Variants in NCK1 observed in about 807,000 individuals in gnomAD.
NCK1 encodes SH2/SH3 adapter protein NCK1.
NCK1 carries 19 observed loss-of-function variants against 36.6 expected under a neutral mutation model. The ratio of observed to expected loss-of-function variants is 0.52; its 90% CI spans 0.36 to 0.76. The LOEUF (loss-of-function observed/expected upper bound fraction) is 0.76. Ranked by LOEUF, NCK1 falls within the 30% of genes least tolerant of loss-of-function variation. NCK1 has a pLI of 0.00. For missense variants in NCK1, 358 were observed against 445.6 expected, an observed-to-expected ratio of 0.80 and a Z score of 1.77; for synonymous variants, 165 against 156.0, an observed-to-expected ratio of 1.06 and a Z score of -0.43.
chr3:136,916,596 G>A (rs912067633), intron 1 of NCK1, among the ~76,000 whole-genome samples: 9 of 152,096 alleles, frequency 5.9e-5, no homozygotes, highest in African/African-American at 1.7e-4. Flanking sequence ...GTAAAGCATG[G>A]GGAAATTATA....
intron 1 of NCK1, among the ~76,000 whole-genome samples, chr3:136,909,382 C>T (rs940225705): frequency 6.6e-6 from 1 of 152,162 alleles, no homozygotes. Context: ...AGCTGAAACT[C>T]ATAATTTGTA....
At chr3:136,910,768 A>G (rs1402373713) in intron 1 of NCK1, among the ~76,000 whole-genome samples, 3 of 152,234 alleles carry the variant, frequency 2.0e-5, no homozygotes, top group East Asian at 3.8e-4. Context: ...CCTTGTTTAC[A>G]TATCATTTTC....
At chr3:136,891,470 C>T (rs1939243407) in intron 1 of NCK1, among the ~76,000 whole-genome samples, 1 of 152,230 alleles carries the variant, frequency 6.6e-6, no homozygotes, top group Admixed American at 6.5e-5. Flanking sequence ...CACTTTTTGG[C>T]TGTTGTGAAT....
In NCK1 at chr3:136,886,787, T is replaced by G. The variant is rs538637560; in HGVS notation, c.-19+24434T>G. ...CTTTAATGAGTTACTTAGGCAGAGT[T>G]TGGAACTGTCCTGTAGTTACATGAT... On this transcript the variant is annotated intron_variant, in intron 1 of 3. Transcript: ENST00000481752. 3.7e-4 allele frequency among the ~76,000 whole-genome samples: 56 copies of G among 151,734 alleles called. No homozygotes were observed. The South Asian group carries it at 5.6e-3, about 15-fold the overall frequency.
intron 2 of NCK1, among the ~76,000 whole-genome samples, chr3:136,935,705 T>C (rs961457722): frequency 2.0e-5 from 3 of 152,162 alleles, no homozygotes; most frequent in African/African-American, 7.2e-5. Flanking sequence ...CTCTTAAAAA[T>C]TTTTTTATGA....
At chr3:136,914,265 A>T (rs1486642344) in intron 1 of NCK1, among the ~76,000 whole-genome samples, 1 of 152,220 alleles carries the variant, frequency 6.6e-6, no homozygotes, top group African/African-American at 2.4e-5. Context: ...TGTGGAACAC[A>T]TGCGTGTCTG....
chr3:136,944,179 C>T (rs916242141), intron 2 of NCK1, among the ~76,000 whole-genome samples: 7 of 129,462 alleles, frequency 5.4e-5, no homozygotes, highest in Admixed American at 1.8e-4. Flanking sequence ...AGTATAGTGA[C>T]GTGATCTTGG....
At chr3:136,871,067 G>T (rs1209260494) in intron 1 of NCK1, among the ~76,000 whole-genome samples, 1 of 151,806 alleles carries the variant, frequency 6.6e-6, no homozygotes, top group Non-Finnish European at 1.5e-5. Flanking sequence ...AATTCCTGTT[G>T]TGGATCCAAC....
At chr3:136,902,183 T>C (rs1225369408) in intron 1 of NCK1, among the ~76,000 whole-genome samples, 2 of 89,132 alleles carry the variant, frequency 2.2e-5, no homozygotes, top group Non-Finnish European at 4.8e-5. Context: ...CTTAACTCTT[T>C]GTTTTTTTTT....
chr3:136,951,569 A>C lies in NCK1; in HGVS notation c.*3116A>C, dbSNP rs1242025062. Among the ~76,000 whole-genome samples the C allele has an allele frequency of 6.6e-6, 1 of 152,198 alleles. No homozygotes were observed. The highest frequency in any genetic ancestry group is 1.5e-5 in the Non-Finnish European group (1 of 68,014). ...ACCAGTGCACATGGTGAAAAAATTC[A>C]AACAGTATAATAAAGTCTTCTTTCA... On this transcript the variant is annotated 3_prime_UTR_variant, in exon 4 of 4. Transcript: ENST00000481752.
chr3:136,869,485 C>T (rs949735721), intron 1 of NCK1, among the ~76,000 whole-genome samples: 7 of 152,026 alleles, frequency 4.6e-5, no homozygotes, highest in Non-Finnish European at 8.8e-5. Flanking sequence ...GCAGGGGTTG[C>T]GGGGTTGTGA....
intron 1 of NCK1, among the ~76,000 whole-genome samples, chr3:136,925,482 C>T (rs1270380204): frequency 6.6e-6 from 1 of 152,154 alleles, no homozygotes; most frequent in Non-Finnish European, 1.5e-5. Flanking sequence ...TACAAAATTT[C>T]TTCATATTGC....
At chr3:136,909,204 G>A (rs947222548) in intron 1 of NCK1, among the ~76,000 whole-genome samples, 1 of 152,196 alleles carries the variant, frequency 6.6e-6, no homozygotes, top group Non-Finnish European at 1.5e-5. Context: ...GACAGTAAGA[G>A]AGAGGCAGAA....
intron 1 of NCK1, among the ~76,000 whole-genome samples, chr3:136,891,374 A>G (rs1293258641): frequency 6.6e-6 from 1 of 152,192 alleles, no homozygotes; most frequent in Non-Finnish European, 1.5e-5. Context: ...ACCTCAGGTG[A>G]TCTACCCGCC....
intron 1 of NCK1, among the ~76,000 whole-genome samples, chr3:136,883,139 T>C (rs2108079771): frequency 6.6e-6 from 1 of 152,300 alleles, no homozygotes; most frequent in South Asian, 2.1e-4. Flanking sequence ...AAGGCTGGTC[T>C]CGTACTACTG....
At chr3:136,897,407 A>G (rs562410532) in intron 1 of NCK1, among the ~76,000 whole-genome samples, 2 of 152,290 alleles carry the variant, frequency 1.3e-5, no homozygotes, top group South Asian at 4.1e-4. Flanking sequence ...TGTTATTTAA[A>G]TAACAGCCAT....
chr3:136,927,948 C>T, intron 1 of NCK1, 36 bp from the exon 2 acceptor site: 1 of 1,421,448 alleles, frequency 7.0e-7, no homozygotes, highest in Non-Finnish European at 9.9e-7. Flanking sequence ...AATACTACCT[C>T]AACCTTACAT....
chr3:136,899,704 T>TA, intron 1 of NCK1: 1 of 791,666 alleles, frequency 1.3e-6, no homozygotes. Context: ...CAATTAGAGA[T>TA]ACGAGGAGAC....
In NCK1 at chr3:136,905,952, C is replaced by T. The variant is rs114728626; in HGVS notation, c.-18-22032C>T. ...ATTTTTTTGATTGGGATGTATTGCC[C>T]GTGAATTATTGTGGTCTTTTGGCGG... On this transcript the variant is annotated intron_variant, in intron 1 of 3. Coordinates refer to ENST00000481752, the MANE Select transcript of NCK1 (RefSeq NM_001291999.2). 3.6e-3 allele frequency among the ~76,000 whole-genome samples: 534 copies of T among 148,916 alleles called. 7 individuals are homozygous for T. The highest frequency in any genetic ancestry group is 0.013 in the African/African-American group (510 of 40,362).
Sources: gnomAD v4.1 joint callset for allele counts (sites outside exome capture counted in the v4.1 genomes callset) on GRCh38, gnomAD v4.1.1 for gene constraint, MANE v1.5 for transcripts, NCBI Gene and HGNC (gene_info 2026-07-23, HGNC 2026-07-21) for gene names.